KLHDC4: variants seen among roughly 807,000 people sequenced by gnomAD.
KLHDC4 encodes kelch domain-containing protein 4.
In KLHDC4, 90 loss-of-function variants were observed where a neutral mutation model predicts 62.4. The ratio of observed to expected loss-of-function variants is 1.44; its 90% CI spans 1.22 to 1.72. The LOEUF is 1.72. Among genes scored for constraint, KLHDC4 ranks in the 40% most tolerant of loss-of-function variants. KLHDC4 has a pLI of 0.00. For missense variants in KLHDC4, 1,025 were observed against 699.7 expected (o/e 1.47, Z -5.25); for synonymous variants, 386 against 284.4 (o/e 1.36, Z -3.59).
At chr16:87,750,513 C>G (rs1408023647) in intron 4 of KLHDC4, 2 of 152,276 alleles carry the variant, frequency 1.3e-5, no homozygotes, top group Non-Finnish European at 2.9e-5. Context: ...TCATAAAAGC[C>G]TCTTGTTTTA....
At chr16:87,752,837 A>C (rs1256504234) in intron 4 of KLHDC4, among the ~76,000 whole-genome samples, 2 of 152,138 alleles carry the variant, frequency 1.3e-5, no homozygotes, top group African/African-American at 4.8e-5. Context: ...CACAGATAAA[A>C]CTTCTACTCC....
At chr16:87,708,277 G>C (rs2035043447) in intron 11 of KLHDC4, 73 bp downstream of exon 11, 23 of 1,017,104 alleles carry the variant, frequency 2.3e-5, no homozygotes, top group Non-Finnish European at 3.0e-5. Flanking sequence ...ATTCCAATAA[G>C]CATCCGATAA....
At chr16:87,717,583 T>C (rs2037253605) in intron 7 of KLHDC4, among the ~76,000 whole-genome samples, 1 of 152,220 alleles carries the variant, frequency 6.6e-6, no homozygotes, top group Admixed American at 6.5e-5. Flanking sequence ...GCAATTCCAG[T>C]GATGCAGTTT....
At chr16:87,706,441 AG>A (rs1380583137), downstream of KLHDC4, among the ~76,000 whole-genome samples, 4 of 64,608 alleles carry the variant, frequency 6.2e-5, no homozygotes, top group Non-Finnish European at 1.3e-4. Context: ...GGGTCGGCGG[AG>A]GGGGCCGGCA....
intron 8 of KLHDC4, among the ~76,000 whole-genome samples, chr16:87,713,063 ACT>A (rs1267893970): frequency 2.0e-5 from 3 of 152,090 alleles, no homozygotes; most frequent in Non-Finnish European, 4.4e-5. Flanking sequence ...ACAGAGTCTC[ACT>A]CTGTTGCCTA....
intron 5 of KLHDC4, among the ~76,000 whole-genome samples, chr16:87,735,454 C>T (rs928618947): frequency 7.9e-5 from 12 of 152,354 alleles, no homozygotes; most frequent in East Asian, 7.7e-4. Context: ...ATAGATGGGG[C>T]GCCCCCCGCT....
intron 5 of KLHDC4, among the ~76,000 whole-genome samples, chr16:87,743,326 C>A (rs909934789): frequency 6.6e-6 from 1 of 152,144 alleles, no homozygotes; most frequent in Non-Finnish European, 1.5e-5. Flanking sequence ...AACTCCTGGG[C>A]TCAAGTGATG....
intron 7 of KLHDC4, among the ~76,000 whole-genome samples, chr16:87,719,279 G>A (rs928026511): frequency 5.3e-5 from 8 of 152,260 alleles, no homozygotes; most frequent in African/African-American, 1.9e-4. Context: ...CTGTGTCTGT[G>A]TGCAAAGAGG....
intron 7 of KLHDC4, among the ~76,000 whole-genome samples, chr16:87,722,348 G>C (rs1473198326): frequency 6.6e-6 from 1 of 152,174 alleles, no homozygotes. Flanking sequence ...GACGGGATCT[G>C]GTTACAGGAG....
intron 1 of KLHDC4, among the ~76,000 whole-genome samples, chr16:87,762,415 C>T (rs2143485928): frequency 6.6e-6 from 1 of 152,078 alleles, no homozygotes; most frequent in East Asian, 1.9e-4. Context: ...CAGTGTCTGA[C>T]AAGAACTTCC....
chr16:87,765,718 C>CG (rs1251780232), intron 1 of KLHDC4, 74 bp downstream of exon 1: 11 of 1,422,406 alleles, frequency 7.7e-6, no homozygotes, highest in Non-Finnish European at 8.5e-6. Flanking sequence ...CCCGTAACCC[C>CG]GGGGGGCGCA....
chr16:87,764,927 C>T (rs954365170), intron 1 of KLHDC4: 3 of 348,490 alleles, frequency 8.6e-6, no homozygotes, highest in African/African-American at 6.5e-5. Flanking sequence ...AGATCAATGA[C>T]TTAGGAAGAA....
exon 1 of KLHDC4, chr16:87,699,387 G>C (rs2034036638): frequency 6.6e-6 from 1 of 152,310 alleles, no homozygotes; most frequent in Non-Finnish European, 1.5e-5. Flanking sequence ...TGACAAGACA[G>C]TGGTGATGTA....
At chr16:87,710,612 TAA>T (rs1490364572) in intron 9 of KLHDC4, 1 of 151,682 alleles carries the variant, frequency 6.6e-6, no homozygotes, top group East Asian at 2.0e-4. Context: ...CCTTCTAAAG[TAA>T]AAGAGCGAGG....
At chr16:87,722,546 C>T (rs1258087322) in intron 7 of KLHDC4, among the ~76,000 whole-genome samples, 5 of 152,274 alleles carry the variant, frequency 3.3e-5, no homozygotes, top group Non-Finnish European at 7.3e-5. Flanking sequence ...AAGCACGCCA[C>T]TGTCCAGGCA....
chr16:87,758,935 G>A (rs556933358), intron 2 of KLHDC4, among the ~76,000 whole-genome samples: 24 of 152,294 alleles, frequency 1.6e-4, no homozygotes, highest in African/African-American at 3.4e-4. Context: ...CAGCACTTTC[G>A]GAGGCCGAGG....
At position 87,765,665 on chromosome 16, in the gene KLHDC4, G is replaced by A. The variant is rs935594615; in HGVS notation, c.99+127C>T. 8.0e-6 allele frequency: 7 copies of A among 879,624 alleles called. No homozygotes were observed. The Admixed American group carries it at 2.1e-4, about 26-fold the overall frequency. 54.5% of individuals were successfully genotyped at this position (879,624 alleles called of 1,614,324 possible). A position where few individuals can be genotyped will look rare whatever the true frequency, so the allele number is the denominator to read the frequency against. On this transcript the variant is annotated intron_variant, in intron 1 of 11. Transcript: ENST00000270583. ...ACGCGGCGCCGGGGCAGTTCCTACG[G>A]CCTCCAGCTCTCCCGCAGGGCCGGC...
chr16:87,746,609 T>TCCC (rs2043079882), intron 5 of KLHDC4, among the ~76,000 whole-genome samples: 1 of 152,112 alleles, frequency 6.6e-6, no homozygotes, highest in South Asian at 2.1e-4. Flanking sequence ...CACACAGGTC[T>TCCC]CCCTTGCTAA....
intron 7 of KLHDC4, among the ~76,000 whole-genome samples, chr16:87,719,492 C>CA (rs1178325163): frequency 6.6e-6 from 1 of 151,936 alleles, no homozygotes; most frequent in Non-Finnish European, 1.5e-5. Flanking sequence ...GAGTCATCAC[C>CA]ACTCCCTAAT....
Sources: gnomAD v4.1 joint callset for allele counts (sites outside exome capture counted in the v4.1 genomes callset) on GRCh38, gnomAD v4.1.1 for gene constraint, MANE v1.5 for transcripts, NCBI Gene and HGNC (gene_info 2026-07-23, HGNC 2026-07-21) for gene names.